The following TSPAN5 variants were observed in gnomAD, a reference collection of about 807,000 sequenced individuals.
TSPAN5 encodes tetraspanin 5, also known as tetraspanin-5.
TSPAN5 carries 10 observed loss-of-function variants against 37.1 expected under a neutral mutation model. That is an observed-to-expected ratio of 0.27 (90% CI 0.17 to 0.46). TSPAN5 has a LOEUF of 0.46. Ranked by LOEUF, TSPAN5 falls within the 20% of genes least tolerant of loss-of-function variation. TSPAN5 has a pLI of 1.00. For synonymous variants in TSPAN5, 110 were observed against 118.9 expected (o/e 0.93, Z 0.48); for missense variants, 195 against 326.6 (o/e 0.60, Z 3.11).
chr4:98,480,036 C>T (rs1334344865), intron 4 of TSPAN5, among the ~76,000 whole-genome samples: 3 of 152,098 alleles, frequency 2.0e-5, no homozygotes, highest in Admixed American at 1.3e-4. Context: ...CACTGCGTGA[C>T]CAGAAGGCGG....
Position 98,482,178 on chromosome 4 carries a change from A to AAGATAAAAG in TSPAN5, c.280-12_280-4dup, listed in dbSNP as rs1752853593. ...ATAATTCCCAGGAACACAGAAAACT[A>AAGATAAAAG]AGATAAAAGACACATACACAGAGAA... On this transcript the variant is annotated splice_polypyrimidine_tract_variant and splice_region_variant and intron_variant, in intron 3 of 7. Coordinates refer to ENST00000305798, the MANE Select transcript of TSPAN5 (RefSeq NM_005723.4). 1 of 1,613,330 alleles carries AAGATAAAAG rather than the reference A, an allele frequency of 6.2e-7. No individual in the cohort carries two copies. The highest frequency in any genetic ancestry group is 8.5e-7 in the Non-Finnish European group (1 of 1,179,808).
chr4:98,611,852 A>G (rs184662336), intron 1 of TSPAN5, among the ~76,000 whole-genome samples: 1 of 152,342 alleles, frequency 6.6e-6, no homozygotes, highest in Admixed American at 6.5e-5. Context: ...CTTCCTCCAG[A>G]CTGACCCAGC....
At chr4:98,603,419 A>G (rs979152337) in intron 1 of TSPAN5, among the ~76,000 whole-genome samples, 2 of 152,234 alleles carry the variant, frequency 1.3e-5, no homozygotes, top group Non-Finnish European at 2.9e-5. Flanking sequence ...CTCAAGTATA[A>G]AAGCAATTTT....
chr4:98,575,825 A>G (rs573114806), intron 1 of TSPAN5, among the ~76,000 whole-genome samples: 128 of 150,582 alleles, frequency 8.5e-4, no homozygotes, highest in Non-Finnish European at 1.3e-3. Context: ...TAATCCCAGC[A>G]CTTTGGGAGG....
intron 1 of TSPAN5, among the ~76,000 whole-genome samples, chr4:98,541,486 G>C (rs1375121149): frequency 4.6e-5 from 7 of 151,874 alleles, no homozygotes; most frequent in African/African-American, 1.4e-4. Context: ...ACTAGCCTGG[G>C]CAACATGGAA....
rs941165400 is a variant in TSPAN5 at position 98,658,440 on chromosome 4, G to A, written c.-214C>T. ...GCGCCGAGGCCGCCGGAGCCGGGGT[G>A]GCCGCGAGAAAGCAGGGAAGCCGCG... On this transcript the variant is annotated 5_prime_UTR_variant, in exon 1 of 8. Coordinates refer to ENST00000305798, the MANE Select transcript of TSPAN5 (RefSeq NM_005723.4). The A allele has an allele frequency of 1.3e-5, 4 of 312,896 alleles. No individual in the cohort carries two copies. Among genetic ancestry groups the A allele is most frequent in the Non-Finnish European group, 1.2e-5 (2 of 173,342 alleles). The allele number at this position is 312,896 out of a possible 1,614,324, so 19.4% of individuals were successfully genotyped here. A position where few individuals can be genotyped will look rare whatever the true frequency, so the allele number is the denominator to read the frequency against.
intron 1 of TSPAN5, among the ~76,000 whole-genome samples, chr4:98,650,896 C>T (rs1447256975): frequency 1.3e-5 from 2 of 152,156 alleles, no homozygotes; most frequent in Non-Finnish European, 2.9e-5. Flanking sequence ...ACTGGCCAAA[C>T]CTAGGGCCAT....
At chr4:98,611,883 G>A (rs1044459754) in intron 1 of TSPAN5, among the ~76,000 whole-genome samples, 7 of 152,252 alleles carry the variant, frequency 4.6e-5, no homozygotes, top group Non-Finnish European at 5.9e-5. Flanking sequence ...GGCCTGGGCC[G>A]TGGAGGGTGG....
At chr4:98,626,809 T>C (rs1233781617) in intron 1 of TSPAN5, among the ~76,000 whole-genome samples, 1 of 152,000 alleles carries the variant, frequency 6.6e-6, no homozygotes, top group Non-Finnish European at 1.5e-5. Context: ...AATGATCTAA[T>C]GTACTTGCTG....
chr4:98,541,834 G>A (rs1042820310), intron 1 of TSPAN5, among the ~76,000 whole-genome samples: 3 of 152,078 alleles, frequency 2.0e-5, no homozygotes, highest in East Asian at 1.9e-4. Context: ...CAGGGGATAC[G>A]TTAAGGTCAT....
At chr4:98,502,830 C>T (rs1286112230) in intron 2 of TSPAN5, among the ~76,000 whole-genome samples, 1 of 151,386 alleles carries the variant, frequency 6.6e-6, no homozygotes, top group Non-Finnish European at 1.5e-5. Context: ...TTGGCCTGCT[C>T]AACAGCATGT....
chr4:98,516,017 G>C (rs1159794423), intron 1 of TSPAN5, among the ~76,000 whole-genome samples: 2 of 152,130 alleles, frequency 1.3e-5, no homozygotes, highest in Non-Finnish European at 1.5e-5. Context: ...CCTGGTTTTT[G>C]CATGATATCC....
chr4:98,552,178 T>C (rs900918432), intron 1 of TSPAN5, among the ~76,000 whole-genome samples: 1 of 152,198 alleles, frequency 6.6e-6, no homozygotes, highest in African/African-American at 2.4e-5. Flanking sequence ...TCATCCTTTG[T>C]ATTGTTTTTT....
At chr4:98,489,895 T>C (rs1753049251) in intron 2 of TSPAN5, among the ~76,000 whole-genome samples, 1 of 152,110 alleles carries the variant, frequency 6.6e-6, no homozygotes, top group Admixed American at 6.5e-5. Flanking sequence ...TTGGGAGCTC[T>C]AAGAACAAGG....
chr4:98,583,374 G>A (rs1392133622), intron 1 of TSPAN5, among the ~76,000 whole-genome samples: 2 of 152,056 alleles, frequency 1.3e-5, no homozygotes, highest in African/African-American at 4.8e-5. Flanking sequence ...ATTCAGCCTA[G>A]TACCCATTCG....
intron 7 of TSPAN5, among the ~76,000 whole-genome samples, chr4:98,474,475 G>A (rs1560503794): frequency 6.6e-6 from 1 of 151,820 alleles, no homozygotes; most frequent in Non-Finnish European, 1.5e-5. Flanking sequence ...AGCCCCCCAA[G>A]TAGCTGGGAC....
intron 1 of TSPAN5, among the ~76,000 whole-genome samples, chr4:98,641,458 T>C (rs528998020): frequency 1.4e-4 from 22 of 152,356 alleles, no homozygotes; most frequent in African/African-American, 4.6e-4. Context: ...AGGCCACATA[T>C]GGAATCCATA....
At chr4:98,637,891 T>C (rs764305042) in intron 1 of TSPAN5, among the ~76,000 whole-genome samples, 65 of 152,308 alleles carry the variant, frequency 4.3e-4, no homozygotes, top group Non-Finnish European at 8.2e-4. Context: ...TTAGAAATTA[T>C]CTTTCCTTCA....
intron 2 of TSPAN5, 92 bp from the exon 3 acceptor site, chr4:98,486,976 C>G: frequency 1.5e-6 from 2 of 1,356,790 alleles, no homozygotes; most frequent in Non-Finnish European, 2.0e-6. Flanking sequence ...TTTCCCCTCC[C>G]AAAGAAAACC....
Sources: gnomAD v4.1 joint callset for allele counts (sites outside exome capture counted in the v4.1 genomes callset) on GRCh38, gnomAD v4.1.1 for gene constraint, MANE v1.5 for transcripts, NCBI Gene and HGNC (gene_info 2026-07-23, HGNC 2026-07-21) for gene names.